The following VEPH1 variants were observed in gnomAD, a reference collection of about 807,000 sequenced individuals.
The protein encoded by VEPH1 is ventricular zone-expressed PH domain-containing protein homolog 1.
Under a neutral mutation model 85.2 loss-of-function variants are expected in VEPH1, and 80 were observed. That is an observed-to-expected ratio of 0.94 (90% CI 0.78 to 1.13). The LOEUF (loss-of-function observed/expected upper bound fraction) is 1.13. VEPH1 is among the 50% of genes most tolerant of loss of function. VEPH1 has a pLI of 0.00. For synonymous variants in VEPH1, 297 were observed against 348.0 expected, an observed-to-expected ratio of 0.85 and a Z score of 1.63; for missense variants, 955 against 980.5, an observed-to-expected ratio of 0.97 and a Z score of 0.35.
chr3:157,489,778 T>C (rs1408869567), intron 2 of VEPH1, among the ~76,000 whole-genome samples: 1 of 151,886 alleles, frequency 6.6e-6, no homozygotes, highest in East Asian at 1.9e-4. Context: ...TGAAACATAG[T>C]AGACAACTAA....
chr3:157,340,177 A>G (rs1723383746), intron 9 of VEPH1, among the ~76,000 whole-genome samples: 1 of 152,186 alleles, frequency 6.6e-6, no homozygotes, highest in Non-Finnish European at 1.5e-5. Flanking sequence ...CAGTGGATGC[A>G]GGACAGTGGG....
chr3:157,412,799 G>A (rs1235684043), intron 6 of VEPH1, among the ~76,000 whole-genome samples: 1 of 152,122 alleles, frequency 6.6e-6, no homozygotes, highest in East Asian at 1.9e-4. Context: ...AGAGGAGAAA[G>A]AGCCTCACCC....
In VEPH1 at chr3:157,434,905, G is replaced by A. The variant is rs115557545; in HGVS notation, c.530-6417C>T. Among the ~76,000 whole-genome samples the A allele has an allele frequency of 3.8e-3, 580 of 151,502 alleles. 4 individuals are homozygous for A. The highest frequency in any genetic ancestry group is 0.013 in the African/African-American group (519 of 41,270). On this transcript the variant is annotated intron_variant, in intron 4 of 13. Coordinates refer to ENST00000362010, the MANE Select transcript of VEPH1 (RefSeq NM_001167912.2). ...AGCAAAATTAATTAATTTCTTTTTC[G>A]TCCTCCTGAACAATGAAATGATTTT... is the stretch of plus-strand genomic sequence containing the variant.
chr3:157,369,690 G>A lies in VEPH1; in HGVS notation c.1128-5178C>T, dbSNP rs188425111. Among the ~76,000 whole-genome samples, 6 of 152,070 alleles carry A rather than the reference G, an allele frequency of 3.9e-5. No individual in the cohort carries two copies. In the East Asian group the frequency reaches 1.2e-3, roughly 29 times the overall value. ...CAGGAAATGGTAGATAGAGGGTTTGGGTTTATCATAAACATTCCCTTTCCT... is the reference window on the plus strand; with the variant it reads ...CAGGAAATGGTAGATAGAGGGTTTGAGTTTATCATAAACATTCCCTTTCCT... On this transcript the variant is annotated intron_variant, in intron 7 of 13. Transcript: ENST00000362010.
At position 157,346,636 on chromosome 3, in the gene VEPH1, C is replaced by T. The variant is rs896297169; in HGVS notation, c.1735+16728G>A. Among the ~76,000 whole-genome samples, 13 of 151,688 alleles carry T rather than the reference C, an allele frequency of 8.6e-5. No individual in the cohort carries two copies. In the East Asian group the frequency reaches 1.9e-3, roughly 23 times the overall value. The stretch of plus-strand genomic sequence containing the variant: ...TTTTTTTTTTCTTTTGAGACAAGAT[C>T]TCACTTCATTGCCCAGGCTGGAGTG... On this transcript the variant is annotated intron_variant, in intron 9 of 13. Coordinates refer to ENST00000362010, the MANE Select transcript of VEPH1 (RefSeq NM_001167912.2).
At chr3:157,459,695 T>C in intron 4 of VEPH1, 1 of 1,392,374 alleles carries the variant, frequency 7.2e-7, no homozygotes, top group Non-Finnish European at 9.3e-7. Flanking sequence ...CTATTTGGCT[T>C]TTTATGCTAG....
intron 11 of VEPH1, among the ~76,000 whole-genome samples, chr3:157,308,426 C>T (rs1232230826): frequency 1.3e-5 from 2 of 152,028 alleles, no homozygotes; most frequent in East Asian, 1.9e-4. Flanking sequence ...TGTATATATA[C>T]ATTAACTGAT....
intron 12 of VEPH1, among the ~76,000 whole-genome samples, chr3:157,268,768 G>A (rs1714100002): frequency 6.6e-6 from 1 of 152,084 alleles, no homozygotes; most frequent in African/African-American, 2.4e-5. Flanking sequence ...GTTTTCCTAA[G>A]ACAGGGTGTC....
intron 11 of VEPH1, among the ~76,000 whole-genome samples, chr3:157,294,901 A>G (rs1021851852): frequency 2.0e-5 from 3 of 152,194 alleles, no homozygotes; most frequent in African/African-American, 4.8e-5. Context: ...GATGAGACCC[A>G]GGATATAGGA....
At chr3:157,282,066 T>G (rs1208991017) in intron 12 of VEPH1, among the ~76,000 whole-genome samples, 1 of 152,210 alleles carries the variant, frequency 6.6e-6, no homozygotes, top group East Asian at 1.9e-4. Flanking sequence ...CCAATTCTTT[T>G]GACTGTCTGA....
intron 6 of VEPH1, among the ~76,000 whole-genome samples, chr3:157,383,577 G>C (rs1031238722): frequency 2.0e-5 from 3 of 152,184 alleles, no homozygotes; most frequent in Non-Finnish European, 4.4e-5. Context: ...GATTTTCAAA[G>C]ATTCCATGTA....
rs1243228801 is a variant in VEPH1 at position 157,377,142 on chromosome 3, C to T, written c.1127+4014G>A. 2.0e-5 allele frequency among the ~76,000 whole-genome samples: 3 copies of T among 151,964 alleles called. No individual in the cohort carries two copies. In the East Asian group the frequency reaches 5.8e-4, roughly 29 times the overall value. The stretch of plus-strand genomic sequence containing the variant: ...GAGATTCCCACTGAATAATTACAAT[C>T]GATTAGAAGAAGATTGACAGCGAGG... On this transcript the variant is annotated intron_variant, in intron 7 of 13. Coordinates refer to ENST00000362010, the MANE Select transcript of VEPH1 (RefSeq NM_001167912.2).
chr3:157,406,886 C>T (rs574119744), intron 6 of VEPH1, among the ~76,000 whole-genome samples: 15 of 151,876 alleles, frequency 9.9e-5, no homozygotes, highest in Non-Finnish European at 1.8e-4. Context: ...TCCAATAAGA[C>T]CAGACCCTAA....
At chr3:157,483,807 T>TC (rs1410611810) in intron 2 of VEPH1, among the ~76,000 whole-genome samples, 1 of 152,192 alleles carries the variant, frequency 6.6e-6, no homozygotes, top group Non-Finnish European at 1.5e-5. Context: ...TATTATGTTC[T>TC]CAATGCCTAG....
chr3:157,427,477 G>A (rs1732841294), intron 5 of VEPH1, among the ~76,000 whole-genome samples: 1 of 151,302 alleles, frequency 6.6e-6, no homozygotes, highest in African/African-American at 2.4e-5. Context: ...TATTTTTAAG[G>A]CAAGGTCTCA....
chr3:157,270,018 A>T (rs6788214), intron 12 of VEPH1, among the ~76,000 whole-genome samples: 33,131 of 151,858 alleles, frequency 0.22, 4,427 homozygotes, highest in Admixed American at 0.41. Context: ...AGACAGAGGG[A>T]TCATTTGAGG....
chr3:157,439,606 C>G (rs767829983), intron 4 of VEPH1, among the ~76,000 whole-genome samples: 2 of 152,160 alleles, frequency 1.3e-5, no homozygotes, highest in African/African-American at 4.8e-5. Flanking sequence ...AGTCCATGAA[C>G]TTATATAGCC....
At chr3:157,411,870 G>T (rs1731558678) in intron 6 of VEPH1, among the ~76,000 whole-genome samples, 1 of 152,160 alleles carries the variant, frequency 6.6e-6, no homozygotes, top group Non-Finnish European at 1.5e-5. Context: ...TTCTCTTTCA[G>T]GTTAGCCTTT....
At chr3:157,365,444 CT>C (rs1341050213) in intron 7 of VEPH1, among the ~76,000 whole-genome samples, 4 of 151,972 alleles carry the variant, frequency 2.6e-5, no homozygotes, top group African/African-American at 9.7e-5. Context: ...GGGTTTTTTT[CT>C]CATACCAACT....
Sources: allele counts gnomAD v4.1 joint callset (sites outside exome capture counted in the v4.1 genomes callset), GRCh38; gene constraint gnomAD v4.1.1; transcripts MANE v1.5; gene names NCBI Gene and HGNC (gene_info 2026-07-23, HGNC 2026-07-21).